ADARB2: variants seen among roughly 807,000 people sequenced by gnomAD.
ADARB2 encodes inactive double-stranded RNA-specific editase B2.
ADARB2 carries 25 observed loss-of-function variants against 62.2 expected under a neutral mutation model. That is an observed-to-expected ratio of 0.40 (90% CI 0.29 to 0.56). The LOEUF (loss-of-function observed/expected upper bound fraction) is 0.56. Ranked by LOEUF, ADARB2 falls within the 20% of genes least tolerant of loss-of-function variation. ADARB2 has a pLI of 0.43. For missense variants in ADARB2, 1,071 were observed against 1,077.4 expected, an observed-to-expected ratio of 0.99 and a Z score of 0.08; for synonymous variants, 572 against 500.8, an observed-to-expected ratio of 1.14 and a Z score of -1.90.
intron 3 of ADARB2, among the ~76,000 whole-genome samples, chr10:1,321,231 A>G (rs1321955403): frequency 6.6e-6 from 1 of 152,128 alleles, no homozygotes; most frequent in Non-Finnish European, 1.5e-5. Context: ...ATCTTGCCTC[A>G]TGGAAATCAC....
chr10:1,583,801 C>A (rs1197593155), intron 1 of ADARB2, among the ~76,000 whole-genome samples: 1 of 152,142 alleles, frequency 6.6e-6, no homozygotes, highest in Non-Finnish European at 1.5e-5. Context: ...GAAGCACCAA[C>A]TGGTGAAAGA....
At chr10:1,609,629 C>T (rs1381286884) in intron 1 of ADARB2, among the ~76,000 whole-genome samples, 1 of 152,250 alleles carries the variant, frequency 6.6e-6, no homozygotes, top group African/African-American at 2.4e-5. Context: ...ACTGCGTGCT[C>T]TCTTAACTGT....
intron 2 of ADARB2, among the ~76,000 whole-genome samples, chr10:1,369,599 A>C (rs1209465557): frequency 1.3e-5 from 2 of 152,196 alleles, no homozygotes; most frequent in African/African-American, 2.4e-5. Flanking sequence ...TAACTACTTC[A>C]CTAAGTGTAA....
chr10:1,629,807 C>T (rs1833819902), intron 1 of ADARB2, among the ~76,000 whole-genome samples: 1 of 152,156 alleles, frequency 6.6e-6, no homozygotes, highest in Non-Finnish European at 1.5e-5. Context: ...ACACAACAGC[C>T]TTGCACATGC....
intron 3 of ADARB2, 56 bp from the exon 4 acceptor site, chr10:1,271,125 G>C: frequency 2.1e-6 from 3 of 1,417,960 alleles, no homozygotes; most frequent in Non-Finnish European, 3.0e-6. Flanking sequence ...CGTGGAGGAT[G>C]ATGGGGCACT....
chr10:1,724,038 GAA>G (rs1245303594), intron 1 of ADARB2, among the ~76,000 whole-genome samples: 4 of 152,200 alleles, frequency 2.6e-5, no homozygotes, highest in African/African-American at 9.7e-5. Context: ...GTCATGGGCT[GAA>G]TGGTGTTCCC....
chr10:1,604,293 C>G (rs970632097), intron 1 of ADARB2, among the ~76,000 whole-genome samples: 1 of 152,182 alleles, frequency 6.6e-6, no homozygotes. Context: ...AATGTCAGAG[C>G]CTTTTTTGCA....
At chr10:1,215,613 T>G (rs1837222912) in intron 7 of ADARB2, 1 of 152,168 alleles carries the variant, frequency 6.6e-6, no homozygotes, top group Admixed American at 6.5e-5. Flanking sequence ...GGAGACCACA[T>G]TTGCACCAAA....
At chr10:1,649,775 G>A (rs933725274) in intron 1 of ADARB2, among the ~76,000 whole-genome samples, 1 of 152,180 alleles carries the variant, frequency 6.6e-6, no homozygotes, top group Non-Finnish European at 1.5e-5. Flanking sequence ...GACTTTCTGG[G>A]TTTCAGCTGT....
At chr10:1,348,954 G>A (rs1352824277) in intron 3 of ADARB2, among the ~76,000 whole-genome samples, 1 of 152,188 alleles carries the variant, frequency 6.6e-6, no homozygotes, top group Non-Finnish European at 1.5e-5. Context: ...TGTGACAATG[G>A]GGGAAGGAGA....
intron 1 of ADARB2, among the ~76,000 whole-genome samples, chr10:1,451,875 G>A (rs770956747): frequency 2.6e-5 from 4 of 152,328 alleles, no homozygotes; most frequent in South Asian, 4.1e-4. Flanking sequence ...CTGTCTTCTC[G>A]CCCACATGTG....
intron 8 of ADARB2, chr10:1,187,914 G>T (rs1471249383): frequency 1.4e-5 from 5 of 359,600 alleles, no homozygotes; most frequent in Non-Finnish European, 3.0e-5. Context: ...TAACATCTCA[G>T]CTCACCTGTG....
intron 4 of ADARB2, among the ~76,000 whole-genome samples, chr10:1,249,681 A>G (rs1831019019): frequency 6.6e-6 from 1 of 151,934 alleles, no homozygotes; most frequent in Non-Finnish European, 1.5e-5. Flanking sequence ...CACTCCAGGC[A>G]TTTTTATGAC....
intron 2 of ADARB2, among the ~76,000 whole-genome samples, chr10:1,372,550 T>C (rs10751798): frequency 0.7 from 105,766 of 152,034 alleles, 39,696 homozygotes; most frequent in Non-Finnish European, 0.83. Flanking sequence ...TGAAAGACAC[T>C]GTAAGCTGCC....
intron 1 of ADARB2, among the ~76,000 whole-genome samples, chr10:1,400,254 C>G (rs528190134): frequency 1.3e-5 from 2 of 152,198 alleles, no homozygotes; most frequent in Non-Finnish European, 2.9e-5. Context: ...CCAATTCCAC[C>G]GCAGGGCTGA....
At chr10:1,428,909 A>T (rs183945812) in intron 1 of ADARB2, among the ~76,000 whole-genome samples, 3 of 152,284 alleles carry the variant, frequency 2.0e-5, no homozygotes, top group African/African-American at 7.2e-5. Context: ...GGACAAGGAA[A>T]CAAGTCAAAC....
intron 1 of ADARB2, among the ~76,000 whole-genome samples, chr10:1,544,014 CAAACAAAAAAAA>C (rs1160683210): frequency 1.1e-3 from 22 of 19,420 alleles, no homozygotes; most frequent in Admixed American, 4.8e-3. Context: ...AAAAAAAAAA[CAAACAAAAAAAA>C]AAACACACAA....
intron 1 of ADARB2, among the ~76,000 whole-genome samples, chr10:1,548,630 T>C (rs1318068082): frequency 6.6e-6 from 1 of 152,188 alleles, no homozygotes; most frequent in Non-Finnish European, 1.5e-5. Flanking sequence ...GGGTTGCAGT[T>C]GAAGCCACAG....
intron 3 of ADARB2, among the ~76,000 whole-genome samples, chr10:1,298,308 T>C (rs3849974): frequency 0.44 from 67,121 of 152,068 alleles, 16,464 homozygotes; most frequent in South Asian, 0.7. Context: ...CAGCCGGCTA[T>C]GTTTTTATGT....
Sources: gnomAD v4.1 joint callset for allele counts (sites outside exome capture counted in the v4.1 genomes callset) on GRCh38, gnomAD v4.1.1 for gene constraint, MANE v1.5 for transcripts, NCBI Gene and HGNC (gene_info 2026-07-23, HGNC 2026-07-21) for gene names.